CCDC172: variants seen among roughly 807,000 people sequenced by gnomAD.
CCDC172 encodes the protein coiled-coil domain-containing protein 172.
A neutral mutation model predicts 38.0 loss-of-function variants in CCDC172; 30 were observed. The ratio of observed to expected loss-of-function variants is 0.79; its 90% CI spans 0.59 to 1.07. The LOEUF is 1.07. Ranked by LOEUF, CCDC172 falls within the 50% of genes least tolerant of loss-of-function variation. The pLI is 0.00. For synonymous variants in CCDC172, 78 were observed against 88.3 expected (o/e 0.88, Z 0.66); for missense variants, 297 against 290.1 (o/e 1.02, Z -0.17).
rs1295493643 is a variant in CCDC172 at position 116,340,779 on chromosome 10, G to A, written c.211G>A (p.Ala71Thr). The A allele has an allele frequency of 3.1e-6, 5 of 1,605,832 alleles. No individual in the cohort carries two copies. Among genetic ancestry groups the A allele is most frequent in the Non-Finnish European group, 4.3e-6 (5 of 1,174,976 alleles). ...ATCCTTCTTCTTACAGCTTTTGAAA[G>A]CTCATGAAAATGCTTTAGAAAAACA... is the stretch of plus-strand genomic sequence containing the variant. ...EKSFFLQLLKAHENALEKQYS... is the reference protein window; with the variant it reads ...EKSFFLQLLKTHENALEKQYS... The change falls in exon 4 of 9, where the codon GCT becomes ACT. Residue 71 changes from alanine (A) to threonine (T), a missense_variant. Ala to Thr is a moderately conservative substitution (Grantham distance 58). Coordinates refer to ENST00000333254, the MANE Select transcript of CCDC172 (RefSeq NM_198515.3).
At chr10:116,340,958 A>G (rs1438723796) in intron 4 of CCDC172, 108 bp downstream of exon 4, 3 of 718,146 alleles carry the variant, frequency 4.2e-6, no homozygotes, top group Admixed American at 2.3e-5. Context: ...ATTAGCAGGT[A>G]GTACTGCTCA....
intron 7 of CCDC172, among the ~76,000 whole-genome samples, chr10:116,363,485 C>T (rs1270936350): frequency 6.6e-6 from 1 of 151,426 alleles, no homozygotes; most frequent in Non-Finnish European, 1.5e-5. Context: ...TGCTTAAATG[C>T]CACTAAAATA....
At chr10:116,354,734 A>T (rs1174119251) in intron 5 of CCDC172, among the ~76,000 whole-genome samples, 1 of 152,142 alleles carries the variant, frequency 6.6e-6, no homozygotes, top group African/African-American at 2.4e-5. Context: ...TGTCTCAAAA[A>T]ATAATAATAG....
At chr10:116,365,578 AG>A (rs568663665) in intron 7 of CCDC172, among the ~76,000 whole-genome samples, 215 of 152,322 alleles carry the variant, frequency 1.4e-3, no homozygotes, top group African/African-American at 4.8e-3. Flanking sequence ...ATTTATTACA[AG>A]GGTTTTTATA....
rs752662578 is a variant in CCDC172 at position 116,340,835 on chromosome 10, G to A, written c.267G>A (p.Met89Ile). 1.3e-6 allele frequency: 2 copies of A among 1,552,938 alleles called. No individual in the cohort carries two copies. The highest frequency in any genetic ancestry group is 3.4e-5 in the Admixed American group (2 of 58,472). The change falls in exon 4 of 9, where the codon ATG (methionine) becomes ATA (isoleucine). Residue 89 changes from methionine (M) to isoleucine (I), a missense_variant. Transcript: ENST00000333254. ...GTGAAATTACAAACCATAGGAATAT[G>A]CTTCTTCAAACCTTTGTAAGTTTCC... ...QYSEITNHRN[M>I]LLQTFEAIKK...
chr10:116,358,593 G>A (rs1488407954), intron 7 of CCDC172, among the ~76,000 whole-genome samples: 2 of 152,142 alleles, frequency 1.3e-5, no homozygotes, highest in Non-Finnish European at 2.9e-5. Context: ...CTATGAAGAA[G>A]CAAATGAAGC....
At chr10:116,328,791 T>C (rs1475501237) in intron 3 of CCDC172, among the ~76,000 whole-genome samples, 1 of 152,108 alleles carries the variant, frequency 6.6e-6, no homozygotes, top group Admixed American at 6.6e-5. Context: ...TTAGGAAACC[T>C]CCAGAACAGC....
At chr10:116,364,723 G>T (rs1845102148) in intron 7 of CCDC172, among the ~76,000 whole-genome samples, 1 of 152,016 alleles carries the variant, frequency 6.6e-6, no homozygotes, top group African/African-American at 2.4e-5. Context: ...AAGCAAAATT[G>T]TATAATCACT....
At chr10:116,367,830 C>T (rs1361643521) in intron 7 of CCDC172, among the ~76,000 whole-genome samples, 1 of 151,816 alleles carries the variant, frequency 6.6e-6, no homozygotes, top group Admixed American at 6.6e-5. Flanking sequence ...TGTCTTCTTT[C>T]CCTTTCTCCT....
At position 116,336,387 on chromosome 10, in the gene CCDC172, T is replaced by TTA. The variant is rs1555178876; in HGVS notation, c.166-4347_166-4346insTA. Among the ~76,000 whole-genome samples, 6 of 148,994 alleles carry TTA rather than the reference T, an allele frequency of 4.0e-5. No homozygotes were observed. In the East Asian group the frequency reaches 1.2e-3, roughly 29 times the overall value. On this transcript the variant is annotated intron_variant, in intron 3 of 8. Transcript: ENST00000333254. Reference sequence around the variant, plus strand: ...ATAGGAGAGATGGCTGGAGAGGGAGTGGGGGTGAAAATCATGTAAAGCCTT... The same window carrying TTA: ...ATAGGAGAGATGGCTGGAGAGGGAGTTAGGGGGTGAAAATCATGTAAAGCCTT...
intron 3 of CCDC172, among the ~76,000 whole-genome samples, chr10:116,336,127 AC>A (rs1258402275): frequency 6.6e-6 from 1 of 151,840 alleles, no homozygotes; most frequent in Non-Finnish European, 1.5e-5. Context: ...AGATCATGCC[AC>A]TGCACTTCAG....
chr10:116,357,553 C>A (rs41317042), intron 6 of CCDC172, 72 bp downstream of exon 6: 341 of 1,215,590 alleles, frequency 2.8e-4, no homozygotes, highest in Admixed American at 2.5e-4. Flanking sequence ...GCATATTATT[C>A]TTTTAAAATA....
intron 3 of CCDC172, among the ~76,000 whole-genome samples, chr10:116,327,197 T>C (rs1452884999): frequency 6.6e-6 from 1 of 152,132 alleles, no homozygotes; most frequent in Non-Finnish European, 1.5e-5. Context: ...GTCCACGATA[T>C]ATAATTCAGA....
At chr10:116,340,923 C>A in intron 4 of CCDC172, 73 bp downstream of exon 4, 2 of 858,496 alleles carry the variant, frequency 2.3e-6, no homozygotes, top group Non-Finnish European at 3.9e-6. Flanking sequence ...CTTAAGTATA[C>A]TTTTAGAAAA....
intron 7 of CCDC172, among the ~76,000 whole-genome samples, chr10:116,368,485 C>T (rs939710193): frequency 6.6e-6 from 1 of 152,012 alleles, no homozygotes; most frequent in East Asian, 1.9e-4. Flanking sequence ...TTTAAAGTTA[C>T]ATGGGTCATA....
At chr10:116,373,657 A>G (rs1486123657) in intron 7 of CCDC172, among the ~76,000 whole-genome samples, 1 of 152,064 alleles carries the variant, frequency 6.6e-6, no homozygotes, top group African/African-American at 2.4e-5. Context: ...GGCGTGTGCC[A>G]CCACACCTGG....
chr10:116,365,447 T>C (rs924164379), intron 7 of CCDC172, among the ~76,000 whole-genome samples: 1 of 152,162 alleles, frequency 6.6e-6, no homozygotes, highest in African/African-American at 2.4e-5. Context: ...ATGGTGGGAA[T>C]ATCTCTACCA....
Position 116,340,764 on chromosome 10 carries a change from T to C in CCDC172, c.196T>C (p.Leu66=), listed in dbSNP as rs746631943. ...ACAGTTTTTTGAAAAATCCTTCTTC[T>C]TACAGCTTTTGAAAGCTCATGAAAA... The part of the protein sequence containing the change: ...VQQFFEKSFF[L]QLLKAHENAL... The change falls in exon 4 of 9, where the codon TTA becomes CTA. Residue 66 remains leucine, a synonymous_variant. Transcript: ENST00000333254. 3.7e-6 allele frequency: 6 copies of C among 1,602,344 alleles called. No homozygotes were observed. Among genetic ancestry groups the C allele is most frequent in the Non-Finnish European group, 5.1e-6 (6 of 1,172,300 alleles).
At chr10:116,343,844 T>TAAC (rs1844831064) in intron 5 of CCDC172, among the ~76,000 whole-genome samples, 1 of 152,186 alleles carries the variant, frequency 6.6e-6, no homozygotes, top group Admixed American at 6.5e-5. Context: ...ACTGAATGGT[T>TAAC]CTCTGAGGCA....
Sources: allele counts gnomAD v4.1 joint callset (sites outside exome capture counted in the v4.1 genomes callset), GRCh38; gene constraint gnomAD v4.1.1; transcripts MANE v1.5; gene names NCBI Gene and HGNC (gene_info 2026-07-23, HGNC 2026-07-21).